CFAP54: variants seen among roughly 807,000 people sequenced by gnomAD.
The protein encoded by CFAP54 is cilia and flagella associated protein 54.
CFAP54 carries 290 observed loss-of-function variants against 370.4 expected under a neutral mutation model. The observed-to-expected ratio is 0.78, with a 90% confidence interval of 0.71 to 0.86. The LOEUF (loss-of-function observed/expected upper bound fraction) is 0.86, where lower values mean the gene tolerates loss of function less well. Ranked by LOEUF, CFAP54 falls within the 40% of genes least tolerant of loss-of-function variation. CFAP54 has a pLI of 0.00. For missense variants in CFAP54, 3,399 were observed against 3,528.7 expected (o/e 0.96, Z 0.93); for synonymous variants, 1,206 against 1,236.5 (o/e 0.98, Z 0.52).
intron 5 of CFAP54, among the ~76,000 whole-genome samples, chr12:96,518,651 A>G (rs56374608): frequency 0.26 from 40,298 of 152,100 alleles, 5,656 homozygotes; most frequent in South Asian, 0.38. Flanking sequence ...GTGCCATTGC[A>G]CTCCAGCCTG....
At chr12:96,532,866 C>CT (rs1462462537) in intron 9 of CFAP54, among the ~76,000 whole-genome samples, 1 of 152,104 alleles carries the variant, frequency 6.6e-6, no homozygotes, top group Non-Finnish European at 1.5e-5. Context: ...AGGGATCCAC[C>CT]TGCCTTGGCC....
chr12:96,802,638 T>TTTA lies in CFAP54; in HGVS notation c.8851-9081_8851-9079dup, dbSNP rs568512611. ...GCCGACTACTCCCACTACTAACTTC[T>TTTA]TTATTATTATTATTATTATACTTTA... On this transcript the variant is annotated intron_variant, in intron 63 of 67. Coordinates refer to ENST00000524981, the MANE Select transcript of CFAP54 (RefSeq NM_001306084.2). Among the ~76,000 whole-genome samples the TTTA allele has an allele frequency of 9.4e-3, 1,425 of 151,874 alleles. 11 individuals are homozygous for TTTA. Among genetic ancestry groups the TTTA allele is most frequent in the Non-Finnish European group, 0.014 (964 of 67,914 alleles).
intron 52 of CFAP54, among the ~76,000 whole-genome samples, 174 bp downstream of exon 52, chr12:96,742,760 G>A (rs1288063381): frequency 1.3e-5 from 2 of 152,120 alleles, no homozygotes; most frequent in Non-Finnish European, 2.9e-5. Flanking sequence ...ACAGCCCTTT[G>A]TATCATTGAA....
intron 63 of CFAP54, among the ~76,000 whole-genome samples, chr12:96,796,435 T>C (rs1338305994): frequency 6.6e-6 from 1 of 152,242 alleles, no homozygotes; most frequent in East Asian, 1.9e-4. Context: ...GAGTACCTTT[T>C]TTTATTTGAT....
intron 14 of CFAP54, among the ~76,000 whole-genome samples, chr12:96,545,654 A>G (rs1367365193): frequency 1.3e-5 from 2 of 152,220 alleles, no homozygotes; most frequent in African/African-American, 2.4e-5. Flanking sequence ...ATACCGCCAC[A>G]TTGAGGATTA....
intron 49 of CFAP54, among the ~76,000 whole-genome samples, chr12:96,719,696 T>C (rs914343422): frequency 1.3e-5 from 2 of 152,196 alleles, no homozygotes; most frequent in South Asian, 2.1e-4. Flanking sequence ...CCCAGCTGAG[T>C]TGAACAAGGA....
In CFAP54 at chr12:96,691,202, C is replaced by G. The variant is rs1806747576; in HGVS notation, c.6156C>G (p.Leu2052=). 1 of 1,613,652 alleles carries G rather than the reference C, an allele frequency of 6.2e-7. No homozygotes were observed. The highest frequency in any genetic ancestry group is 2.2e-5 in the East Asian group (1 of 44,826). ...CYAQYEITQL[L]PGIELFSDRY... ...CTCAATATGAAATCACTCAGCTTCT[C>G]CCAGGCATTGAACTCTTCTCAGATA... Residue 2052 remains leucine (L), a synonymous_variant, in exon 44 of 68, where the codon CTC becomes CTG. Transcript: ENST00000524981.
chr12:96,532,039 T>C (rs1300880913), intron 9 of CFAP54, among the ~76,000 whole-genome samples: 1 of 152,210 alleles, frequency 6.6e-6, no homozygotes, highest in African/African-American at 2.4e-5. Flanking sequence ...AATGATGATG[T>C]ACTTTATACA....
At chr12:96,573,610 A>G (rs1034428382) in intron 19 of CFAP54, among the ~76,000 whole-genome samples, 4 of 152,050 alleles carry the variant, frequency 2.6e-5, no homozygotes, top group Non-Finnish European at 5.9e-5. Flanking sequence ...CTCCCTCACC[A>G]TCTAGCCCTG....
chr12:96,556,774 C>G (rs1246517756), intron 17 of CFAP54, among the ~76,000 whole-genome samples: 4 of 152,130 alleles, frequency 2.6e-5, no homozygotes, highest in Non-Finnish European at 4.4e-5. Context: ...GAGCTGGAGG[C>G]TATTATCCTT....
chr12:96,744,189 A>C lies in CFAP54; in HGVS notation c.7684+43A>C, dbSNP rs1243017862. 2.0e-6 allele frequency: 3 copies of C among 1,529,532 alleles called. No homozygotes were observed. In the South Asian group the frequency reaches 3.6e-5, roughly 18 times the overall value. The allele number at this position is 1,529,532 out of a possible 1,614,324, so 94.7% of individuals were successfully genotyped here. ...TATATTGCCCTAGAATAACTGATAA[A>C]ACTTTTTAAGTTATTTTTAGGCAGG... On this transcript the variant is annotated intron_variant, in intron 55 of 67. Coordinates refer to ENST00000524981, the MANE Select transcript of CFAP54 (RefSeq NM_001306084.2).
chr12:96,599,229 G>C (rs978952739), intron 26 of CFAP54, among the ~76,000 whole-genome samples: 3 of 137,506 alleles, frequency 2.2e-5, no homozygotes, highest in Non-Finnish European at 4.5e-5. Context: ...TCATTGTTCA[G>C]CTCCCACTTA....
chr12:96,839,624 A>G (rs1444351911), intron 66 of CFAP54, among the ~76,000 whole-genome samples: 2 of 152,262 alleles, frequency 1.3e-5, no homozygotes, highest in East Asian at 1.9e-4. Context: ...TATTAGGTCA[A>G]AGATTCTGTG....
intron 65 of CFAP54, among the ~76,000 whole-genome samples, chr12:96,823,318 CTG>C (rs1280890439): frequency 1.3e-5 from 2 of 152,156 alleles, no homozygotes; most frequent in Non-Finnish European, 2.9e-5. Flanking sequence ...TCTCTCTTGA[CTG>C]TGAATTCCTT....
chr12:96,768,420 A>G (rs1160785307), intron 60 of CFAP54, among the ~76,000 whole-genome samples: 6 of 152,202 alleles, frequency 3.9e-5, no homozygotes, highest in Non-Finnish European at 5.9e-5. Context: ...TGGAAGGCCA[A>G]GAAGGGTGGA....
chr12:96,722,034 G>C (rs1437189579), intron 50 of CFAP54, among the ~76,000 whole-genome samples: 3 of 152,138 alleles, frequency 2.0e-5, no homozygotes, highest in Non-Finnish European at 4.4e-5. Context: ...ACCTGAGCAA[G>C]CAGATAAGAA....
At chr12:96,827,721 T>TAATTATATTTAATATAATTATATAC (rs1485101192) in intron 65 of CFAP54, among the ~76,000 whole-genome samples, 1 of 126,492 alleles carries the variant, frequency 7.9e-6, no homozygotes, top group East Asian at 2.2e-4. Flanking sequence ...TAATTATATA[T>TAATTATATTTAATATAATTATATAC]AATTATATTT....
At chr12:96,682,020 G>A (rs991307753) in intron 40 of CFAP54, 2 of 355,632 alleles carry the variant, frequency 5.6e-6, no homozygotes, top group African/African-American at 4.4e-5. Flanking sequence ...CTGCAAAAAT[G>A]TCTCAGCTAT....
chr12:96,822,803 C>A (rs755657566), intron 65 of CFAP54, among the ~76,000 whole-genome samples: 31 of 152,222 alleles, frequency 2.0e-4, no homozygotes, highest in Non-Finnish European at 4.0e-4. Context: ...GTCTTGCTCT[C>A]ATAGCTCTCT....
Sources: allele counts gnomAD v4.1 joint callset (sites outside exome capture counted in the v4.1 genomes callset), GRCh38; gene constraint gnomAD v4.1.1; transcripts MANE v1.5; gene names NCBI Gene and HGNC (gene_info 2026-07-23, HGNC 2026-07-21).